Variants in SLC6A12 observed in about 807,000 individuals in gnomAD.
SLC6A12 encodes the protein sodium- and chloride-dependent betaine transporter.
SLC6A12 carries 50 observed loss-of-function variants against 73.3 expected under a neutral mutation model. The observed-to-expected ratio is 0.68, with a 90% CI of 0.54 to 0.86. The LOEUF is 0.86. Ranked by LOEUF, SLC6A12 falls within the 40% of genes least tolerant of loss-of-function variation. The pLI is 0.00. For synonymous variants in SLC6A12, 304 were observed against 309.2 expected (o/e 0.98, Z 0.18); for missense variants, 648 against 772.8 (o/e 0.84, Z 1.92).
chr12:188,504 A>T (rs1266610443), downstream of SLC6A12, among the ~76,000 whole-genome samples: 1 of 152,196 alleles, frequency 6.6e-6, no homozygotes, highest in African/African-American at 2.4e-5. Context: ...GGCCTTGGCC[A>T]GCCCAGAAAG....
intron 3 of SLC6A12, among the ~76,000 whole-genome samples, chr12:208,955 G>C (rs142852679): frequency 4.6e-5 from 7 of 152,148 alleles, no homozygotes; most frequent in African/African-American, 1.7e-4. Flanking sequence ...AATTGCTTCG[G>C]TGGCTCCCAT....
In SLC6A12 at chr12:213,639, ACCCACTGCCGTGACCAGCTGCCCATCG is replaced by A. The variant is rs1940996285; in HGVS notation, c.-143+256_-143+282del. 1 of 152,772 alleles carries A rather than the reference ACCCACTGCCGTGACCAGCTGCCCATCG, an allele frequency of 6.5e-6. No homozygotes were observed. The highest frequency in any genetic ancestry group is 2.4e-5 in the African/African-American group (1 of 41,372). 9.5% of individuals were successfully genotyped at this position (152,772 alleles called of 1,614,324 possible). Reference sequence around the variant, plus strand: ...TCGTCAGATGACCACCCCTGCTTTCACCCACTGCCGTGACCAGCTGCCCATCGCTGGACTTTCCTGCTCCACAGGCTA... The same window carrying A: ...TCGTCAGATGACCACCCCTGCTTTCACTGGACTTTCCTGCTCCACAGGCTA... On this transcript the variant is annotated intron_variant, in intron 1 of 15. Coordinates refer to ENST00000684302, the MANE Select transcript of SLC6A12 (RefSeq NM_001122848.3). This position sits in a 1 kb window ranked among gnomAD's most constrained non-coding sequence, Gnocchi z 5.3.
the SLC6A12 span, among the ~76,000 whole-genome samples, chr12:184,347 A>G: frequency 0.49 from 74,477 of 152,052 alleles, 19,088 homozygotes; most frequent in African/African-American, 0.65. Flanking sequence ...TCAGCTGGCC[A>G]GGCATGGTGG....
At chr12:186,864 G>T (rs997579769), downstream of SLC6A12, among the ~76,000 whole-genome samples, 1 of 152,162 alleles carries the variant, frequency 6.6e-6, no homozygotes, top group Non-Finnish European at 1.5e-5. Flanking sequence ...GGTCCACACC[G>T]GAGCAGGCTG....
intron 3 of SLC6A12, among the ~76,000 whole-genome samples, chr12:205,852 T>A (rs977276813): frequency 4.6e-5 from 7 of 152,248 alleles, no homozygotes; most frequent in African/African-American, 1.4e-4. Flanking sequence ...TACCTCATCA[T>A]TTTGATTGCT....
chr12:204,496 G>C (rs2137181374), intron 4 of SLC6A12, 68 bp downstream of exon 4: 2 of 1,469,576 alleles, frequency 1.4e-6, no homozygotes, highest in Non-Finnish European at 1.9e-6. Flanking sequence ...GGTAGGCAGG[G>C]AGAGACCATG....
At chr12:204,460 T>TGAGCGGATGGGTGAAG in intron 4 of SLC6A12, 104 bp downstream of exon 4, 2 of 1,134,742 alleles carry the variant, frequency 1.8e-6, no homozygotes, top group Non-Finnish European at 1.3e-6. Context: ...GATATGGGAG[T>TGAGCGGATGGGTGAAG]GAGCGGATGG....
rs1230431435 is a variant in SLC6A12 at position 213,104 on chromosome 12, C to A, written c.-143+818G>T. ...GCAGACGAGACCAGAAATGCTGCTG[C>A]CCATGTGCTGCTGGGATCCCAGCTC... On this transcript the variant is annotated intron_variant, in intron 1 of 15. Coordinates refer to ENST00000684302, the MANE Select transcript of SLC6A12 (RefSeq NM_001122848.3). The surrounding 1 kb of genome is among the most constrained non-coding windows in gnomAD (Gnocchi z 5.3). 2.0e-5 allele frequency among the ~76,000 whole-genome samples: 3 copies of A among 152,146 alleles called. No individual in the cohort carries two copies. The highest frequency in any genetic ancestry group is 6.5e-5 in the Admixed American group (1 of 15,288).
chr12:195,566 C>T (rs565684540), intron 12 of SLC6A12, among the ~76,000 whole-genome samples: 3 of 152,300 alleles, frequency 2.0e-5, no homozygotes, highest in African/African-American at 7.2e-5. Flanking sequence ...CTCGTCTGCC[C>T]AGCATCTCCC....
At chr12:197,112 T>C (rs866258469) in intron 10 of SLC6A12, among the ~76,000 whole-genome samples, 14 of 67,700 alleles carry the variant, frequency 2.1e-4, no homozygotes, top group South Asian at 6.1e-4. Context: ...CATCCATCCA[T>C]CCATCCATCC....
chr12:187,126 A>G (rs117124557), downstream of SLC6A12, among the ~76,000 whole-genome samples: 3,003 of 152,198 alleles, frequency 0.02, 44 homozygotes, highest in Non-Finnish European at 0.032. Flanking sequence ...GCAAAAATCA[A>G]TTTTTTCATG....
intron 7 of SLC6A12, chr12:199,171 G>A: frequency 1.9e-6 from 1 of 532,664 alleles, no homozygotes; most frequent in South Asian, 2.5e-5. Flanking sequence ...AGGAAGACAG[G>A]GAGGGAGGCA....
At chr12:187,589 C>CAAAAAAAAAAAAAAAAAAAAAAAAAAAAA (rs761187495), downstream of SLC6A12, among the ~76,000 whole-genome samples, 3 of 106,052 alleles carry the variant, frequency 2.8e-5, no homozygotes, top group African/African-American at 5.3e-5. Context: ...TGCAAAAGAG[C>CAAAAAAAAAAAAAAAAAAAAAAAAAAAAA]AAAAAAAAAA....
rs926683184 is a variant in SLC6A12, at chr12:202,894, G to T, written c.350-14C>A. ...CCAGACCAATGCCTTCCAGAGTGGG[G>T]GAGAGATGGGGAGGGACAAGAGAGA... On this transcript the variant is annotated splice_polypyrimidine_tract_variant and intron_variant, in intron 4 of 15. Coordinates refer to ENST00000684302, the MANE Select transcript of SLC6A12 (RefSeq NM_001122848.3). The T allele has an allele frequency of 1.2e-6, 2 of 1,612,804 alleles. No individual in the cohort carries two copies. Among genetic ancestry groups the T allele is most frequent in the African/African-American group, 2.7e-5 (2 of 74,814 alleles).
intron 10 of SLC6A12, among the ~76,000 whole-genome samples, 176 bp from the exon 11 acceptor site, chr12:197,058 C>CATCT (rs1390703389): frequency 2.1e-5 from 3 of 142,866 alleles, no homozygotes; most frequent in African/African-American, 8.0e-5. Flanking sequence ...TTCATCCATC[C>CATCT]ATCCATCCAT....
Position 197,881 on chromosome 12 carries a change from CGG to C in SLC6A12, c.950+17_950+18del. On this transcript the variant is annotated intron_variant, in intron 9 of 15. Coordinates refer to ENST00000684302, the MANE Select transcript of SLC6A12 (RefSeq NM_001122848.3). ...GCCCCAACCCTCCTTCACCCCACCC[CGG>C]CCCACGCTGTTCTCACTTGTAGCAG... The C allele has an allele frequency of 2.0e-6, 3 of 1,536,604 alleles. No homozygotes were observed. The highest frequency in any genetic ancestry group is 3.4e-5 in the Admixed American group (2 of 59,522).
chr12:191,608 T>A (rs118087619), intron 15 of SLC6A12, among the ~76,000 whole-genome samples: 5 of 152,214 alleles, frequency 3.3e-5, no homozygotes, highest in Non-Finnish European at 5.9e-5. Context: ...ACTATTATTA[T>A]GTGCTCAATA....
chr12:197,881 C>A lies in SLC6A12; in HGVS notation c.950+19G>T. 1.3e-6 allele frequency: 2 copies of A among 1,536,608 alleles called. No homozygotes were observed. The highest frequency in any genetic ancestry group is 1.8e-6 in the Non-Finnish European group (2 of 1,111,732). ...GCCCCAACCCTCCTTCACCCCACCCCGGCCCACGCTGTTCTCACTTGTAGC... is the reference window on the plus strand; with the variant it reads ...GCCCCAACCCTCCTTCACCCCACCCAGGCCCACGCTGTTCTCACTTGTAGC... On this transcript the variant is annotated intron_variant, in intron 9 of 15. Transcript: ENST00000684302.
chr12:193,497 T>C, intron 13 of SLC6A12, 120 bp from the exon 14 acceptor site: 1 of 681,834 alleles, frequency 1.5e-6, no homozygotes, highest in Non-Finnish European at 2.6e-6. Flanking sequence ...GCAGGGAAAC[T>C]GGAACAGGGC....
Sources: gnomAD v4.1 joint callset for allele counts (sites outside exome capture counted in the v4.1 genomes callset) on GRCh38, gnomAD v4.1.1 for gene constraint, Gnocchi (gnomAD v3.1) non-coding constraint, MANE v1.5 for transcripts, NCBI Gene and HGNC (gene_info 2026-07-23, HGNC 2026-07-21) for gene names.